The following TECPR1 variants were observed in gnomAD, a reference collection of about 807,000 sequenced individuals.
TECPR1 encodes tectonin beta-propeller repeat-containing protein 1.
A neutral mutation model predicts 162.4 loss-of-function variants in TECPR1; 122 were observed. The observed-to-expected ratio is 0.75, with a 90% CI of 0.65 to 0.87. TECPR1 has a LOEUF of 0.87. Among genes scored for constraint, TECPR1 ranks in the 40% least tolerant of loss-of-function variants. The pLI, the probability that TECPR1 is intolerant of heterozygous loss-of-function variation, is 0.00. For synonymous variants in TECPR1, 642 were observed against 670.6 expected (o/e 0.96, Z 0.66); for missense variants, 1,432 against 1,618.2 (o/e 0.88, Z 1.97).
chr7:98,221,640 T>C (rs1280977335), intron 23 of TECPR1, 21 bp downstream of exon 23: 2 of 1,610,494 alleles, frequency 1.2e-6, no homozygotes, highest in African/African-American at 2.7e-5. Context: ...ACATTAAAAA[T>C]TTAAAAAAAG....
chr7:98,222,826 C>T, intron 21 of TECPR1, 164 bp downstream of exon 21: 3 of 976,960 alleles, frequency 3.1e-6, no homozygotes, highest in South Asian at 1.5e-5. Context: ...CCCCGCCCCA[C>T]CCGCCTCATT....
intron 17 of TECPR1, among the ~76,000 whole-genome samples, chr7:98,226,294 T>C (rs2116551750): frequency 6.6e-6 from 1 of 152,268 alleles, no homozygotes; most frequent in Admixed American, 6.5e-5. Flanking sequence ...AAATCTCAAA[T>C]CCCCTGATTT....
chr7:98,240,748 T>A, intron 8 of TECPR1, 103 bp downstream of exon 8: 1 of 928,920 alleles, frequency 1.1e-6, no homozygotes, highest in Non-Finnish European at 1.6e-6. Flanking sequence ...TGAGACAGGG[T>A]CTCGCTCTGT....
rs972272062 is a variant in TECPR1 at position 98,222,581 on chromosome 7, T to A, written c.2929-60A>T. 5 of 1,528,838 alleles carry A rather than the reference T, an allele frequency of 3.3e-6. No homozygotes were observed. In the Admixed American group the frequency reaches 6.2e-5, roughly 19 times the overall value. 94.7% of individuals were successfully genotyped at this position (1,528,838 alleles called of 1,614,324 possible). A position where few individuals can be genotyped will look rare whatever the true frequency, so the allele number is the denominator to read the frequency against. On this transcript the variant is annotated intron_variant, in intron 21 of 25. Transcript: ENST00000447648. ...GGGCCCCCACCCCCAGGGCCCCACCTCCAGGACCAGCAGAAATGGGCCTAG... is the reference window on the plus strand; with the variant it reads ...GGGCCCCCACCCCCAGGGCCCCACCACCAGGACCAGCAGAAATGGGCCTAG...
At position 98,241,015 on chromosome 7, in the gene TECPR1, C is replaced by A; in HGVS notation, c.832+55G>T. The A allele has an allele frequency of 6.3e-7, 1 of 1,585,994 alleles. No homozygotes were observed. The highest frequency in any genetic ancestry group is 1.3e-5 in the African/African-American group (1 of 74,420). ...GCCTGGACAGCTGGGGAGCGAGTGACCCTCACCCTTCTCCCCAGTACAGGG... is the reference window on the plus strand; with the variant it reads ...GCCTGGACAGCTGGGGAGCGAGTGAACCTCACCCTTCTCCCCAGTACAGGG... On this transcript the variant is annotated intron_variant, in intron 7 of 25. Coordinates refer to ENST00000447648, the MANE Select transcript of TECPR1 (RefSeq NM_015395.3). The surrounding 1 kb of genome is among the most constrained non-coding windows in gnomAD (Gnocchi z 5.0).
rs754612377 is a variant in TECPR1, at chr7:98,241,209, G to C, written c.693C>G (p.Pro231=). ...CCAGCAGGGACCAGGAGGACCCTTC[G>C]GGGTTGGAGTGGCTGACGTCCTCTC... ...WYREDVSHSN[P]EGSSWSLLDT... Residue 231 remains proline, a synonymous_variant, in exon 7 of 26, where the codon CCC becomes CCG. Coordinates refer to ENST00000447648, the MANE Select transcript of TECPR1 (RefSeq NM_015395.3). This position sits in a 1 kb window ranked among gnomAD's most constrained non-coding sequence, Gnocchi z 5.0. 2 of 1,612,674 alleles carry C rather than the reference G, an allele frequency of 1.2e-6. No individual in the cohort carries two copies. The highest frequency in any genetic ancestry group is 1.3e-5 in the African/African-American group (1 of 74,918).
At chr7:98,247,312 T>C (rs550267683) in intron 2 of TECPR1, among the ~76,000 whole-genome samples, 2 of 149,886 alleles carry the variant, frequency 1.3e-5, no homozygotes, top group African/African-American at 4.9e-5. Flanking sequence ...TAATTAAAAA[T>C]TTTTTTTTTG....
intron 18 of TECPR1, 36 bp downstream of exon 18, chr7:98,224,969 CG>C: frequency 6.5e-7 from 1 of 1,537,508 alleles, no homozygotes; most frequent in Non-Finnish European, 8.8e-7. Flanking sequence ...GGTGGGAGGG[CG>C]GATTCCCAAC....
intron 10 of TECPR1, among the ~76,000 whole-genome samples, chr7:98,234,487 A>G (rs1263988867): frequency 6.6e-6 from 1 of 152,154 alleles, no homozygotes; most frequent in African/African-American, 2.4e-5. Context: ...GACCAGCTTC[A>G]GGATTCCCTT....
At position 98,216,401 on chromosome 7, in the gene TECPR1, G is replaced by A. The variant is rs11551890; in HGVS notation, c.*989C>T. Reference sequence around the variant, plus strand: ...CGCATCTGGGGAAGGGGCCGAATGGGGGTTGATGATGGTGACTGCACACAC... The same window carrying A: ...CGCATCTGGGGAAGGGGCCGAATGGAGGTTGATGATGGTGACTGCACACAC... On this transcript the variant is annotated 3_prime_UTR_variant, in exon 26 of 26. Transcript: ENST00000447648. 0.36 allele frequency: 55,273 copies of A among 152,216 alleles called. 12,454 individuals carry two copies. The highest frequency in any genetic ancestry group is 0.6 in the Middle Eastern group (177 of 294). The allele number at this position is 152,216 out of a possible 1,614,324, so 9.4% of individuals were successfully genotyped here.
In TECPR1 at chr7:98,222,995, G is replaced by A; in HGVS notation, c.2923C>T (p.Pro975Ser). The change falls in exon 21 of 26, where the codon CCT becomes TCT. Residue 975 changes from proline to serine, a missense_variant. Transcript: ENST00000447648. Reference protein sequence around the residue: ...LCRLGVSELNPAGSSWLHVGT... With the variant: ...LCRLGVSELNSAGSSWLHVGT... ...TGTCTGGCCCCGGCACTCACCGCAG[G>A]GTTGAGCTCCGACACGCCCAGGCGG... The A allele has an allele frequency of 6.2e-7, 1 of 1,611,756 alleles. No homozygotes were observed. The highest frequency in any genetic ancestry group is 8.5e-7 in the Non-Finnish European group (1 of 1,179,532).
chr7:98,246,226 G>T, intron 2 of TECPR1, 61 bp from the exon 3 acceptor site: 2 of 1,041,282 alleles, frequency 1.9e-6, no homozygotes, highest in Non-Finnish European at 2.8e-6. Flanking sequence ...TCAGAGTCAT[G>T]TGAAACCTGG....
At chr7:98,222,307 G>T (rs576824184) in intron 22 of TECPR1, 79 bp downstream of exon 22, 9 of 1,514,002 alleles carry the variant, frequency 5.9e-6, no homozygotes, top group Non-Finnish European at 8.0e-6. Flanking sequence ...GGGGGACCCT[G>T]GCCCAGAGGG....
In TECPR1 at chr7:98,236,749, C is replaced by A. The variant is rs372040030; in HGVS notation, c.1181+27G>T. The A allele has an allele frequency of 4.4e-6, 7 of 1,586,896 alleles. No homozygotes were observed. The African/African-American group carries it at 8.2e-5, about 19-fold the overall frequency. ...TCAGACGGCCCATCCCAGCCTGACTCCTGCGCACCCTGCCACCCCCAGTCA... is the reference window on the plus strand; with the variant it reads ...TCAGACGGCCCATCCCAGCCTGACTACTGCGCACCCTGCCACCCCCAGTCA... On this transcript the variant is annotated intron_variant, in intron 10 of 25. Coordinates refer to ENST00000447648, the MANE Select transcript of TECPR1 (RefSeq NM_015395.3).
intron 5 of TECPR1, among the ~76,000 whole-genome samples, chr7:98,243,798 G>A (rs560583377): frequency 2.8e-4 from 43 of 152,206 alleles, no homozygotes; most frequent in Non-Finnish European, 5.6e-4. Flanking sequence ...GTTTCACCAT[G>A]TTGGCCAGGC....
At chr7:98,222,091 GAGA>G (rs1282384935) in intron 22 of TECPR1, among the ~76,000 whole-genome samples, 2 of 152,220 alleles carry the variant, frequency 1.3e-5, no homozygotes, top group Non-Finnish European at 2.9e-5. Context: ...TGGACATCTG[GAGA>G]AGAACAAGCC....
Position 98,228,062 on chromosome 7 carries a change from T to C in TECPR1, c.2465A>G (p.His822Arg), listed in dbSNP as rs1472357378. Residue 822 changes from histidine to arginine, a missense_variant, in exon 17 of 26, where the codon CAC becomes CGC. Physicochemically the swap from His to Arg is conservative, Grantham distance 29 (BLOSUM62 0). Transcript: ENST00000447648. ...IYTQSDVKCV[H>R]IYENQRWNPV... is the part of the protein sequence containing the mutation. ...GTTCCAGCGCTGGTTCTCATAGATG[T>C]GAACACACTTCACGTCTGACTGCGT... The C allele has an allele frequency of 1.9e-6, 3 of 1,613,170 alleles. No individual in the cohort carries two copies. In the South Asian group the frequency reaches 3.3e-5, roughly 18 times the overall value.
At chr7:98,229,197 C>G in intron 15 of TECPR1, 31 bp from the exon 16 acceptor site, 1 of 1,542,026 alleles carries the variant, frequency 6.5e-7, no homozygotes, top group Non-Finnish European at 8.8e-7. Context: ...AGGTGGAAAC[C>G]CCTCAGACCC....
At position 98,218,019 on chromosome 7, in the gene TECPR1, TC is replaced by T; in HGVS notation, c.3180del (p.Ile1061SerfsTer31). ...GAGCCCTGCGGGTAGCTGGGCGTGATCCCTTGGCGATACCACAGGTTTCCTG... is the reference window on the plus strand; with the variant it reads ...GAGCCCTGCGGGTAGCTGGGCGTGATCCTTGGCGATACCACAGGTTTCCTG... The part of the protein sequence containing the change: ...DENGNLWYRQ[G>X]ITPSYPQGSS... On this transcript the variant is annotated frameshift_variant, in exon 24 of 26. Coordinates refer to ENST00000447648, the MANE Select transcript of TECPR1 (RefSeq NM_015395.3). LOFTEE classifies it high-confidence loss of function. 6.4e-7 allele frequency: 1 copy of T among 1,566,956 alleles called. No homozygotes were observed. Among genetic ancestry groups the T allele is most frequent in the Non-Finnish European group, 8.6e-7 (1 of 1,156,364 alleles).
Sources: allele counts gnomAD v4.1 joint callset (sites outside exome capture counted in the v4.1 genomes callset), GRCh38; gene constraint gnomAD v4.1.1; non-coding constraint Gnocchi (gnomAD v3.1); transcripts MANE v1.5; gene names NCBI Gene and HGNC (gene_info 2026-07-23, HGNC 2026-07-21).